The following PLK3 variants were observed in gnomAD, a reference collection of about 807,000 sequenced individuals.
The protein encoded by PLK3 is polo like kinase 3.
Under a neutral mutation model 71.6 loss-of-function variants are expected in PLK3, and 41 were observed. The ratio of observed to expected loss-of-function variants is 0.57; its 90% CI spans 0.45 to 0.74. The LOEUF is 0.74. Among genes scored for constraint, PLK3 ranks in the 30% least tolerant of loss-of-function variants. The pLI, the probability that PLK3 is intolerant of heterozygous loss-of-function variation, is 0.00. For synonymous variants in PLK3, 366 were observed against 355.4 expected, an observed-to-expected ratio of 1.03 and a Z score of -0.33; for missense variants, 791 against 875.6, an observed-to-expected ratio of 0.90 and a Z score of 1.22.
intron 13 of PLK3, chr1:44,805,022 C>G (rs372330984): frequency 1.7e-6 from 1 of 575,362 alleles, no homozygotes; most frequent in Non-Finnish European, 3.1e-6. Context: ...GGAGAATGGG[C>G]GAACCCAGGA....
Position 44,804,403 on chromosome 1 carries a change from C to T in PLK3, c.1407C>T (p.Asp469=), listed in dbSNP as rs748026381. The T allele has an allele frequency of 5.0e-6, 8 of 1,614,194 alleles. 1 individual carries two copies. The South Asian group carries it at 8.8e-5, about 18-fold the overall frequency. ...TGGTGTGGGTCAGCAAGTGGGTTGA[C>T]TACTCCAATAAGTTCGGCTTTGGGT... ...EPLVWVSKWV[D]YSNKFGFGYQ... Residue 469 remains aspartate, a synonymous_variant, in exon 12 of 15, where the codon GAC becomes GAT. Coordinates refer to ENST00000372201, the MANE Select transcript of PLK3 (RefSeq NM_004073.4).
rs749383865 is a variant in PLK3 at position 44,805,593 on chromosome 1, A to G, written c.1856A>G (p.His619Arg). 6.2e-6 allele frequency: 10 copies of G among 1,613,818 alleles called. No homozygotes were observed. Among genetic ancestry groups the G allele is most frequent in the Non-Finnish European group, 8.5e-6 (10 of 1,179,962 alleles). The stretch of plus-strand genomic sequence containing the variant: ...AGTGCTTGTACTTACCTCGCTTCCC[A>G]CCTTCGGCAGCTGGGCTGCTCTCCA... ...NRSACTYLASHLRQLGCSPDL... is the reference protein window; with the variant it reads ...NRSACTYLASRLRQLGCSPDL... The change falls in exon 15 of 15, where the codon CAC becomes CGC. Residue 619 changes from histidine to arginine, a missense_variant. Physicochemically the swap from His to Arg is conservative, Grantham distance 29. Coordinates refer to ENST00000372201, the MANE Select transcript of PLK3 (RefSeq NM_004073.4).
At position 44,805,551 on chromosome 1, in the gene PLK3, T is replaced by C. The variant is rs763709738; in HGVS notation, c.1814T>C (p.Phe605Ser). Reference sequence around the variant, plus strand: ...GGCTGGGAGCCCCTCCTTGTGACTTTTGTGGCCCGAAATCGTAGTGCTTGT... The same window carrying C: ...GGCTGGGAGCCCCTCCTTGTGACTTCTGTGGCCCGAAATCGTAGTGCTTGT... The part of the protein sequence containing the change: ...LSGWEPLLVT[F>S]VARNRSACTY... Residue 605 changes from phenylalanine to serine, a missense_variant, in exon 15 of 15, where the codon TTT (phenylalanine) becomes TCT (serine). Physicochemically the swap from Phe to Ser is radical, Grantham distance 155. Transcript: ENST00000372201. The C allele has an allele frequency of 6.8e-6, 11 of 1,614,090 alleles. No individual in the cohort carries two copies. The Admixed American group carries it at 1.5e-4, about 22-fold the overall frequency.
chr1:44,804,871 C>T (rs1460177306), intron 13 of PLK3, 92 bp downstream of exon 13: 21 of 1,266,516 alleles, frequency 1.7e-5, no homozygotes, highest in South Asian at 7.8e-5. Flanking sequence ...TTTGGGAGGC[C>T]GAGGCGGGTG....
In PLK3 at chr1:44,801,917, C is replaced by T. The variant is rs1433219491; in HGVS notation, c.638C>T (p.Pro213Leu). The part of the protein sequence containing the change: ...DFGLAARLEP[P>L]EQRKKTICGT... ...GGGCTGGCAGCCCGGTTGGAGCCTC[C>T]GGAGCAGAGGAAGAAGTGAGTTTTG... is the stretch of plus-strand genomic sequence containing the variant. The change falls in exon 5 of 15, where the codon CCG becomes CTG. Residue 213 changes from proline (P) to leucine (L), a missense_variant. Physicochemically the swap from Pro to Leu is moderately conservative, Grantham distance 98 (BLOSUM62 -3). Transcript: ENST00000372201. 46 of 1,613,020 alleles carry T rather than the reference C, an allele frequency of 2.9e-5. No homozygotes were observed. Among genetic ancestry groups the T allele is most frequent in the Non-Finnish European group, 3.3e-5 (39 of 1,179,464 alleles).
In PLK3 at chr1:44,800,557, G is replaced by C. The variant is rs1651792726; in HGVS notation, c.94G>C (p.Ala32Pro). 1.3e-6 allele frequency: 2 copies of C among 1,512,444 alleles called. No individual in the cohort carries two copies. The highest frequency in any genetic ancestry group is 8.8e-7 in the Non-Finnish European group (1 of 1,137,386). 93.7% of individuals were successfully genotyped at this position (1,512,444 alleles called of 1,614,324 possible). Reference protein sequence around the residue: ...PPAGPGPPPSALRGPELEMLA... With the variant: ...PPAGPGPPPSPLRGPELEMLA... Reference sequence around the variant, plus strand: ...GGCCGGGCCCGGGCCGCCTCCGAGTGCCTTGCGCGGACCTGAGCTGGAGAT... The same window carrying C: ...GGCCGGGCCCGGGCCGCCTCCGAGTCCCTTGCGCGGACCTGAGCTGGAGAT... Residue 32 changes from alanine to proline, a missense_variant, in exon 1 of 15, where the codon GCC (alanine) becomes CCC (proline). By Grantham distance (27) the Ala-to-Pro change is conservative. Coordinates refer to ENST00000372201, the MANE Select transcript of PLK3 (RefSeq NM_004073.4). The surrounding 1 kb of genome is among the most constrained non-coding windows in gnomAD (Gnocchi z 6.5).
At chr1:44,805,445 C>A (rs767333244) in intron 14 of PLK3, 42 bp from the exon 15 acceptor site, 4 of 1,608,368 alleles carry the variant, frequency 2.5e-6, no homozygotes, top group Non-Finnish European at 3.4e-6. Flanking sequence ...GGAAGCTGGG[C>A]CCGGAGCCTA....
chr1:44,805,058 GGC>G, intron 13 of PLK3: 2 of 585,588 alleles, frequency 3.4e-6, no homozygotes, highest in East Asian at 5.7e-5. Flanking sequence ...GAGCAGAGAT[GGC>G]GCACCATTGC....
In PLK3 at chr1:44,804,329, C is replaced by T. The variant is rs772177625; in HGVS notation, c.1343-10C>T. The T allele has an allele frequency of 6.2e-7, 1 of 1,613,932 alleles. No individual in the cohort carries two copies. Among genetic ancestry groups the T allele is most frequent in the Non-Finnish European group, 8.5e-7 (1 of 1,179,954 alleles). On this transcript the variant is annotated splice_polypyrimidine_tract_variant and intron_variant, in intron 11 of 14. Coordinates refer to ENST00000372201, the MANE Select transcript of PLK3 (RefSeq NM_004073.4). The stretch of plus-strand genomic sequence containing the variant: ...GGAGCAGGTGCTGACTCCCTCCTCT[C>T]CCATGACAGCGGAACAGAACCCGGC...
intron 14 of PLK3, 39 bp from the exon 15 acceptor site, chr1:44,805,448 G>A (rs760301054): frequency 6.2e-6 from 10 of 1,610,362 alleles, no homozygotes; most frequent in Middle Eastern, 1.7e-4. Context: ...AGCTGGGCCC[G>A]GAGCCTAGGT....
rs1190811538 is a variant in PLK3, at chr1:44,800,546, C to A, written c.83C>A (p.Pro28Gln). Residue 28 changes from proline to glutamine, a missense_variant, in exon 1 of 15, where the codon CCG (proline) becomes CAG (glutamine). Physicochemically the swap from Pro to Gln is moderately conservative, Grantham distance 76. Transcript: ENST00000372201. This position sits in a 1 kb window ranked among gnomAD's most constrained non-coding sequence, Gnocchi z 6.5. ...CCCGCTCCCCCGGCCGGGCCCGGGC[C>A]GCCTCCGAGTGCCTTGCGCGGACCT... Reference protein sequence around the residue: ...AAPAPPAGPGPPPSALRGPEL... With the variant: ...AAPAPPAGPGQPPSALRGPEL... 1 of 1,486,830 alleles carries A rather than the reference C, an allele frequency of 6.7e-7. No homozygotes were observed. Among genetic ancestry groups the A allele is most frequent in the Admixed American group, 2.3e-5 (1 of 43,082 alleles). The allele number at this position is 1,486,830 out of a possible 1,614,324, so 92.1% of individuals were successfully genotyped here. A position where few individuals can be genotyped will look rare whatever the true frequency, so the allele number is the denominator to read the frequency against.
rs141071544 is a variant in PLK3, at chr1:44,805,540, C to T, written c.1803C>T (p.Leu601=). The T allele has an allele frequency of 8.1e-4, 1,304 of 1,614,082 alleles. 1 individual carries two copies. The highest frequency in any genetic ancestry group is 1.0e-3 in the Non-Finnish European group (1,210 of 1,180,016). ...TKLILSGWEP[L]LVTFVARNRS... is the part of the protein sequence containing the mutation. ...TGATTCTCAGTGGCTGGGAGCCCCT[C>T]CTTGTGACTTTTGTGGCCCGAAATC... Residue 601 remains leucine, a synonymous_variant, in exon 15 of 15, where the codon CTC becomes CTT. Transcript: ENST00000372201.
rs549813850 is a variant in PLK3 at position 44,803,104 on chromosome 1, G to A, written c.899G>A (p.Arg300Gln). 5.5e-5 allele frequency: 89 copies of A among 1,613,710 alleles called. No homozygotes were observed. The highest frequency in any genetic ancestry group is 1.6e-4 in the Middle Eastern group (1 of 6,084). Residue 300 changes from arginine to glutamine, a missense_variant, in exon 7 of 15, where the codon CGA becomes CAA. Coordinates refer to ENST00000372201, the MANE Select transcript of PLK3 (RefSeq NM_004073.4). The surrounding 1 kb of genome is among the most constrained non-coding windows in gnomAD (Gnocchi z 4.3). Reference sequence around the variant, plus strand: ...GCCGCCATCCTTCGGGCCTCACCCCGAGACCGCCCCTCTATTGACCAGATC... The same window carrying A: ...GCCGCCATCCTTCGGGCCTCACCCCAAGACCGCCCCTCTATTGACCAGATC... ...LLAAILRASP[R>Q]DRPSIDQILR...
rs1557621383 is a variant in PLK3 at position 44,800,555 on chromosome 1, G to A, written c.92G>A (p.Ser31Asn). 5.3e-6 allele frequency: 8 copies of A among 1,497,742 alleles called. No homozygotes were observed. The highest frequency in any genetic ancestry group is 2.2e-5 in the Admixed American group (1 of 45,352). 92.8% of individuals were successfully genotyped at this position (1,497,742 alleles called of 1,614,324 possible). ...CCGGCCGGGCCCGGGCCGCCTCCGA[G>A]TGCCTTGCGCGGACCTGAGCTGGAG... is the stretch of plus-strand genomic sequence containing the variant. ...APPAGPGPPP[S>N]ALRGPELEML... is the part of the protein sequence containing the mutation. Residue 31 changes from serine to asparagine, a missense_variant, in exon 1 of 15, where the codon AGT (serine) becomes AAT (asparagine). By Grantham distance (46) the Ser-to-Asn change is conservative (BLOSUM62 1). Coordinates refer to ENST00000372201, the MANE Select transcript of PLK3 (RefSeq NM_004073.4). This position sits in a 1 kb window ranked among gnomAD's most constrained non-coding sequence, Gnocchi z 6.5.
In PLK3 at chr1:44,800,595, A is replaced by G. The variant is rs372090200; in HGVS notation, c.132A>G (p.Leu44=). 153 of 1,537,948 alleles carry G rather than the reference A, an allele frequency of 9.9e-5. 1 individual carries two copies. In the African/African-American group the frequency reaches 1.3e-3, roughly 14 times the overall value. ...RGPELEMLAG[L]PTSDPGRLIT... ...CTGAGCTGGAGATGCTGGCCGGGCT[A>G]CCGACGTCAGACCCCGGGCGCCTCA... The change falls in exon 1 of 15, where the codon CTA becomes CTG. Residue 44 remains leucine (L), a synonymous_variant. Coordinates refer to ENST00000372201, the MANE Select transcript of PLK3 (RefSeq NM_004073.4). This position sits in a 1 kb window ranked among gnomAD's most constrained non-coding sequence, Gnocchi z 6.5.
rs1651893673 is a variant in PLK3, at chr1:44,803,198, G to A, written c.948+45G>A. The A allele has an allele frequency of 1.9e-6, 3 of 1,611,746 alleles. No homozygotes were observed. The highest frequency in any genetic ancestry group is 1.6e-4 in the Middle Eastern group (1 of 6,080). On this transcript the variant is annotated intron_variant, in intron 7 of 14. Coordinates refer to ENST00000372201, the MANE Select transcript of PLK3 (RefSeq NM_004073.4). The surrounding 1 kb of genome is among the most constrained non-coding windows in gnomAD (Gnocchi z 4.3). ...TCTAAGTCCATCTGTGTATTCCCAG[G>A]GATTGAAAGGGGGCAGGTGACAGGA...
In PLK3 at chr1:44,803,579, G is replaced by C; in HGVS notation, c.1073-21G>C. On this transcript the variant is annotated intron_variant, in intron 8 of 14. Transcript: ENST00000372201. The surrounding 1 kb of genome is among the most constrained non-coding windows in gnomAD (Gnocchi z 4.3). ...AGGGGCTGGGCAGGATACTGAGGAC[G>C]GTATCACCTTTCACCCCCAGGTAAG... 2 of 1,605,128 alleles carry C rather than the reference G, an allele frequency of 1.2e-6. No homozygotes were observed. Among genetic ancestry groups the C allele is most frequent in the Middle Eastern group, 1.7e-4 (1 of 6,044 alleles).
rs751728321 is a variant in PLK3 at position 44,804,178 on chromosome 1, T to C, written c.1274T>C (p.Leu425Pro). The C allele has an allele frequency of 6.2e-7, 1 of 1,613,830 alleles. No homozygotes were observed. Among genetic ancestry groups the C allele is most frequent in the Non-Finnish European group, 8.5e-7 (1 of 1,179,712 alleles). The change falls in exon 11 of 15, where the codon CTG (leucine) becomes CCG (proline). Residue 425 changes from leucine to proline, a missense_variant. Leu to Pro is a moderately conservative substitution (Grantham distance 98). Transcript: ENST00000372201. ...ASSGDGFEEGLTVATVVESAL... is the reference protein window; with the variant it reads ...ASSGDGFEEGPTVATVVESAL... The stretch of plus-strand genomic sequence containing the variant: ...TCTCCTTCAGGATTTGAAGAAGGTC[T>C]GACTGTGGCCACAGTAGTGGAGTCA...
intron 13 of PLK3, 29 bp from the exon 14 acceptor site, chr1:44,805,237 T>C: frequency 6.7e-7 from 1 of 1,485,714 alleles, no homozygotes; most frequent in Non-Finnish European, 9.4e-7. Flanking sequence ...TCACGCTGGA[T>C]CAGTGACCTG....
Sources: allele counts gnomAD v4.1 joint callset, GRCh38; gene constraint gnomAD v4.1.1; non-coding constraint Gnocchi (gnomAD v3.1); transcripts MANE v1.5; gene names NCBI Gene and HGNC (gene_info 2026-07-23, HGNC 2026-07-21).